The following BARX2 variants were observed in gnomAD, a reference collection of about 807,000 sequenced individuals.
BARX2 encodes the protein homeobox protein BarH-like 2.
Under a neutral mutation model 25.5 loss-of-function variants are expected in BARX2, and 11 were observed. The ratio of observed to expected loss-of-function variants is 0.43; its 90% CI spans 0.27 to 0.71. BARX2 has a LOEUF of 0.71. BARX2 is among the 30% of genes least tolerant of loss of function. The probability of loss-of-function intolerance (pLI) is 0.19; values close to 1 mark genes in which losing one functional copy is unlikely to be tolerated. For missense variants in BARX2, 360 were observed against 359.9 expected (o/e 1.00, Z 0.00); for synonymous variants, 137 against 149.5 (o/e 0.92, Z 0.61).
At position 129,376,934 on chromosome 11, in the gene BARX2, A is replaced by G. The variant is rs924748862; in HGVS notation, c.187+712A>G. 6.6e-6 allele frequency among the ~76,000 whole-genome samples: 1 copy of G among 152,266 alleles called. No homozygotes were observed. The highest frequency in any genetic ancestry group is 2.4e-5 in the African/African-American group (1 of 41,468). On this transcript the variant is annotated intron_variant, in intron 1 of 3. Transcript: ENST00000281437. The surrounding 1 kb of genome is among the most constrained non-coding windows in gnomAD (Gnocchi z 4.2). ...CAATAGTAAAGATAAAGAGAACTTA[A>G]TACATATATTGAAAACGTAGTAGAG...
At chr11:129,392,561 T>A (rs903557689) in intron 1 of BARX2, among the ~76,000 whole-genome samples, 56 of 152,278 alleles carry the variant, frequency 3.7e-4, no homozygotes, top group Non-Finnish European at 7.8e-4. Flanking sequence ...GGTATAATAC[T>A]ATGTGCCAGG....
chr11:129,417,552 G>T (rs1234955984), intron 1 of BARX2, among the ~76,000 whole-genome samples: 2 of 152,194 alleles, frequency 1.3e-5, no homozygotes, highest in Admixed American at 1.3e-4. Flanking sequence ...GGGCCTAAAA[G>T]TTGCTTTTGT....
intron 3 of BARX2, among the ~76,000 whole-genome samples, chr11:129,444,807 G>T (rs753300742): frequency 7.9e-5 from 12 of 152,066 alleles, no homozygotes; most frequent in Non-Finnish European, 1.3e-4. Flanking sequence ...TTTGAAACCA[G>T]CCTGGCAAAC....
chr11:129,378,085 G>A (rs1342317972), intron 1 of BARX2, among the ~76,000 whole-genome samples: 2 of 152,222 alleles, frequency 1.3e-5, no homozygotes, highest in African/African-American at 4.8e-5. Flanking sequence ...ACAGACTTAA[G>A]TGTTGCTCAG....
intron 3 of BARX2, among the ~76,000 whole-genome samples, chr11:129,448,057 G>A (rs562939368): frequency 9.2e-5 from 14 of 152,288 alleles, no homozygotes; most frequent in East Asian, 5.8e-4. Context: ...CTGTTGATGC[G>A]GAAAGGACAG....
At chr11:129,403,094 G>A (rs1284317248) in intron 1 of BARX2, among the ~76,000 whole-genome samples, 2 of 152,224 alleles carry the variant, frequency 1.3e-5, no homozygotes, top group African/African-American at 2.4e-5. Flanking sequence ...AGCTGTCCTC[G>A]TGTTGCAATG....
At chr11:129,378,545 T>C (rs1861527386) in intron 1 of BARX2, among the ~76,000 whole-genome samples, 1 of 141,352 alleles carries the variant, frequency 7.1e-6, no homozygotes. Context: ...TGTAATTTTC[T>C]TCTTTTCTTT....
chr11:129,440,267 GA>G (rs919828048), intron 2 of BARX2, among the ~76,000 whole-genome samples: 2 of 152,282 alleles, frequency 1.3e-5, no homozygotes, highest in African/African-American at 4.8e-5. Context: ...TAGCCAGAGT[GA>G]GTCAGGGCTG....
At chr11:129,430,654 G>A (rs1862118621) in intron 1 of BARX2, among the ~76,000 whole-genome samples, 1 of 152,002 alleles carries the variant, frequency 6.6e-6, no homozygotes, top group South Asian at 2.1e-4. Context: ...ACCTCCCCTG[G>A]CATCTCCTCC....
At chr11:129,387,119 ACT>A (rs546184955) in intron 1 of BARX2, among the ~76,000 whole-genome samples, 106 of 152,220 alleles carry the variant, frequency 7.0e-4, no homozygotes, top group African/African-American at 2.5e-3. Context: ...ATAGTCGCAC[ACT>A]CTGGCTGGGA....
chr11:129,406,267 G>T (rs1016411797), intron 1 of BARX2, among the ~76,000 whole-genome samples: 9 of 152,162 alleles, frequency 5.9e-5, no homozygotes, highest in Admixed American at 5.9e-4. Flanking sequence ...TAATCCTACA[G>T]CAAGTTTCTT....
At chr11:129,377,403 C>T (rs1493540) in intron 1 of BARX2, among the ~76,000 whole-genome samples, 2 of 152,128 alleles carry the variant, frequency 1.3e-5, no homozygotes, top group African/African-American at 2.4e-5. Context: ...CAAATTGTTC[C>T]TACATGTATT....
rs116821632 is a variant in BARX2 at position 129,451,818 on chromosome 11, C to T, written c.*416C>T. 753 of 162,008 alleles carry T rather than the reference C, an allele frequency of 4.6e-3. 5 individuals carry two copies. The highest frequency in any genetic ancestry group is 0.017 in the African/African-American group (702 of 41,376). The allele number at this position is 162,008 out of a possible 1,614,324, so 10.0% of individuals were successfully genotyped here. A position where few individuals can be genotyped will look rare whatever the true frequency, so the allele number is the denominator to read the frequency against. The stretch of plus-strand genomic sequence containing the variant: ...CGTGGCGGCATGTGGGCAGCATGCC[C>T]AGGTTCCTTGCTGACTCAGCACTTA... On this transcript the variant is annotated 3_prime_UTR_variant, in exon 4 of 4. Coordinates refer to ENST00000281437, the MANE Select transcript of BARX2 (RefSeq NM_003658.5).
Position 129,436,932 on chromosome 11 carries a change from G to A in BARX2, c.369G>A (p.Thr123=), listed in dbSNP as rs1565521374. 3.1e-6 allele frequency: 5 copies of A among 1,613,716 alleles called. No individual in the cohort carries two copies. The highest frequency in any genetic ancestry group is 2.2e-5 in the East Asian group (1 of 44,892). Residue 123 remains threonine, a synonymous_variant, in exon 2 of 4, where the codon ACG becomes ACA. Transcript: ENST00000281437. The surrounding 1 kb of genome is among the most constrained non-coding windows in gnomAD (Gnocchi z 4.5). ...GEALASSESE[T]EQPTPRQKKP... is the part of the protein sequence containing the mutation. ...CCCTAGCCAGCAGCGAGTCAGAGAC[G>A]GAACAGCCCACGCCCCGACAGAAGA... is the stretch of plus-strand genomic sequence containing the variant.
chr11:129,383,834 T>G (rs1228576716), intron 1 of BARX2, among the ~76,000 whole-genome samples: 1 of 152,180 alleles, frequency 6.6e-6, no homozygotes, highest in African/African-American at 2.4e-5. Context: ...CATATTCTTC[T>G]GGGTATTGAG....
chr11:129,443,007 C>A, intron 3 of BARX2, 88 bp downstream of exon 3: 1 of 1,227,552 alleles, frequency 8.1e-7, no homozygotes, highest in Non-Finnish European at 1.2e-6. Flanking sequence ...GACCATTTGG[C>A]AGTTTGGGCT....
intron 1 of BARX2, among the ~76,000 whole-genome samples, chr11:129,395,743 G>C (rs1008132294): frequency 6.6e-6 from 1 of 152,148 alleles, no homozygotes; most frequent in South Asian, 2.1e-4. Flanking sequence ...CTCTGCACGT[G>C]TAAAATCTGT....
At chr11:129,410,031 A>G (rs758683820) in intron 1 of BARX2, among the ~76,000 whole-genome samples, 3 of 152,182 alleles carry the variant, frequency 2.0e-5, no homozygotes, top group African/African-American at 7.2e-5. Flanking sequence ...AGCCTCATCT[A>G]TAAAATGGAA....
chr11:129,449,819 A>C (rs114776701), intron 3 of BARX2, among the ~76,000 whole-genome samples: 2,090 of 152,280 alleles, frequency 0.014, 46 homozygotes, highest in African/African-American at 0.045. Flanking sequence ...GCAGGTAAAC[A>C]TGCAGTGACC....
Sources: allele counts gnomAD v4.1 joint callset (sites outside exome capture counted in the v4.1 genomes callset), GRCh38; gene constraint gnomAD v4.1.1; non-coding constraint Gnocchi (gnomAD v3.1); transcripts MANE v1.5; gene names NCBI Gene and HGNC (gene_info 2026-07-23, HGNC 2026-07-21).